The following SEMA3A variants were observed in gnomAD, a reference collection of about 807,000 sequenced individuals.
SEMA3A encodes the protein semaphorin-3A.
SEMA3A carries 29 observed loss-of-function variants against 97.9 expected under a neutral mutation model. The ratio of observed to expected loss-of-function variants is 0.30; its 90% CI spans 0.22 to 0.40. The LOEUF (loss-of-function observed/expected upper bound fraction) is 0.40. SEMA3A is among the 10% of genes least tolerant of loss of function. SEMA3A has a pLI of 1.00. For missense variants in SEMA3A, 763 were observed against 951.3 expected (o/e 0.80, Z 2.60); for synonymous variants, 321 against 323.7 (o/e 0.99, Z 0.09).
chr7:84,312,968 G>T (rs1478981351), intron 2 of SEMA3A, among the ~76,000 whole-genome samples: 3 of 118,086 alleles, frequency 2.5e-5, no homozygotes, highest in Admixed American at 9.6e-5. Flanking sequence ...GTTACATATT[G>T]TATATAATAT....
rs1372388612 is a variant in SEMA3A, at chr7:83,961,358, G to C, written c.*13C>G. 1 of 1,606,016 alleles carries C rather than the reference G, an allele frequency of 6.2e-7. No homozygotes were observed. The highest frequency in any genetic ancestry group is 1.1e-5 in the South Asian group (1 of 90,872). On this transcript the variant is annotated 3_prime_UTR_variant, in exon 17 of 17. Transcript: ENST00000265362. ...AGTTTCTACTTGTTTGAGGTTTCTAGAGGTAATGCAGCTCAGACACTCCTG... is the reference window on the plus strand; with the variant it reads ...AGTTTCTACTTGTTTGAGGTTTCTACAGGTAATGCAGCTCAGACACTCCTG...
intron 2 of SEMA3A, among the ~76,000 whole-genome samples, chr7:84,350,692 G>A (rs1802416222): frequency 6.6e-6 from 1 of 151,986 alleles, no homozygotes; most frequent in African/African-American, 2.4e-5. Flanking sequence ...ATAATTCTTA[G>A]CAAGCATCAT....
At chr7:84,250,174 AT>A (rs1261140163) in intron 3 of SEMA3A, among the ~76,000 whole-genome samples, 1 of 152,014 alleles carries the variant, frequency 6.6e-6, no homozygotes, top group Non-Finnish European at 1.5e-5. Context: ...GAAACATATA[AT>A]TAGGCATAAA....
intron 3 of SEMA3A, among the ~76,000 whole-genome samples, chr7:84,220,203 C>T (rs985554329): frequency 2.0e-5 from 3 of 152,138 alleles, no homozygotes; most frequent in Non-Finnish European, 2.9e-5. Context: ...TTTCTTTCTT[C>T]GTAGGAAGGA....
chr7:84,103,068 G>A (rs1562783936), intron 4 of SEMA3A, among the ~76,000 whole-genome samples: 1 of 152,098 alleles, frequency 6.6e-6, no homozygotes, highest in Non-Finnish European at 1.5e-5. Context: ...ACATGACAAT[G>A]ACATTGCTAT....
chr7:84,432,239 A>T (rs538531852), intron 1 of SEMA3A, among the ~76,000 whole-genome samples: 17 of 152,178 alleles, frequency 1.1e-4, no homozygotes, highest in Non-Finnish European at 2.1e-4. Context: ...TGTGTTGCAG[A>T]GAGAAAAACA....
chr7:84,295,285 A>G (rs909453487), intron 3 of SEMA3A, among the ~76,000 whole-genome samples: 6 of 152,052 alleles, frequency 3.9e-5, no homozygotes, highest in Non-Finnish European at 7.4e-5. Context: ...TTGTTGTTAA[A>G]TGAGTGACAT....
In SEMA3A at chr7:84,303,635, A is replaced by G. The variant is rs547104095; in HGVS notation, c.-83+3572T>C. ...AATTTAGAAATTTTTCAACTTCACAATGATGCAGAAGTGATAGACATTCAA... is the reference window on the plus strand; with the variant it reads ...AATTTAGAAATTTTTCAACTTCACAGTGATGCAGAAGTGATAGACATTCAA... On this transcript the variant is annotated intron_variant, in intron 3 of 3. Coordinates refer to the SEMA3A transcript ENST00000424555. Among the ~76,000 whole-genome samples, 145 of 152,246 alleles carry G rather than the reference A, an allele frequency of 9.5e-4. 1 individual carries two copies. The highest frequency in any genetic ancestry group is 3.4e-3 in the African/African-American group (140 of 41,546).
At position 84,357,497 on chromosome 7, in the gene SEMA3A, T is replaced by G. The variant is rs969022346; in HGVS notation, c.-169+14327A>C. Among the ~76,000 whole-genome samples, 35 of 152,208 alleles carry G rather than the reference T, an allele frequency of 2.3e-4. 1 individual carries two copies. The highest frequency in any genetic ancestry group is 6.0e-4 in the African/African-American group (25 of 41,554). ...TTTTTATGGCTGCATAGTATTCCAT[T>G]GTGTATATGTGCCACATTTTCTTAA... On this transcript the variant is annotated intron_variant, in intron 2 of 3. Transcript: ENST00000424555.
chr7:84,037,205 C>T (rs888570566), intron 6 of SEMA3A, among the ~76,000 whole-genome samples: 1 of 151,584 alleles, frequency 6.6e-6, no homozygotes, highest in African/African-American at 2.4e-5. Context: ...TCCTACCCTA[C>T]AGAATATGTA....
intron 7 of SEMA3A, among the ~76,000 whole-genome samples, chr7:84,012,821 G>A (rs980588754): frequency 6.6e-6 from 1 of 152,050 alleles, no homozygotes; most frequent in Non-Finnish European, 1.5e-5. Context: ...TGATATTTAT[G>A]TACATATATT....
At chr7:84,410,436 C>T (rs1231098112) in intron 1 of SEMA3A, among the ~76,000 whole-genome samples, 1 of 152,044 alleles carries the variant, frequency 6.6e-6, no homozygotes. Flanking sequence ...TAATTCCCAA[C>T]CCAGATTGCA....
At chr7:84,161,200 C>T (rs1034583170) in intron 1 of SEMA3A, among the ~76,000 whole-genome samples, 1 of 151,856 alleles carries the variant, frequency 6.6e-6, no homozygotes, top group African/African-American at 2.4e-5. Context: ...CCTGTCTCTA[C>T]TAATAATGCA....
intron 15 of SEMA3A, among the ~76,000 whole-genome samples, chr7:83,968,406 G>A (rs1788792352): frequency 2.0e-5 from 3 of 152,118 alleles, no homozygotes; most frequent in Non-Finnish European, 4.4e-5. Flanking sequence ...GATATTGATT[G>A]CATTACAGTG....
intron 1 of SEMA3A, among the ~76,000 whole-genome samples, chr7:84,451,312 T>TC (rs35969561): frequency 6.6e-6 from 1 of 152,126 alleles, no homozygotes; most frequent in Non-Finnish European, 1.5e-5. Flanking sequence ...CTTTTTTCCT[T>TC]CCCCCTTGGG....
chr7:84,203,522 A>T (rs191378936), intron 3 of SEMA3A, among the ~76,000 whole-genome samples: 1,887 of 43,360 alleles, frequency 0.044, 73 homozygotes, highest in African/African-American at 0.096. Flanking sequence ...ATATATATAT[A>T]TATATTTTTT....
intron 4 of SEMA3A, among the ~76,000 whole-genome samples, chr7:84,083,513 A>C (rs189837645): frequency 6.6e-6 from 1 of 151,976 alleles, no homozygotes; most frequent in Non-Finnish European, 1.5e-5. Flanking sequence ...CTGTTAACTA[A>C]AGTCCTCCTA....
intron 6 of SEMA3A, among the ~76,000 whole-genome samples, chr7:84,045,242 T>C (rs1273934699): frequency 6.6e-6 from 1 of 151,924 alleles, no homozygotes. Flanking sequence ...AATGAGATAT[T>C]CAGGCATCTT....
At position 83,958,950 on chromosome 7, in the gene SEMA3A, A is replaced by G. The variant is rs1047348657; in HGVS notation, c.*2421T>C. The G allele has an allele frequency of 2.0e-5, 3 of 152,082 alleles. No homozygotes were observed. Among genetic ancestry groups the G allele is most frequent in the Non-Finnish European group, 2.9e-5 (2 of 67,942 alleles). The allele number at this position is 152,082 out of a possible 1,614,324, so 9.4% of individuals were successfully genotyped here. A position where few individuals can be genotyped will look rare whatever the true frequency, so the allele number is the denominator to read the frequency against. On this transcript the variant is annotated 3_prime_UTR_variant, in exon 17 of 17. Transcript: ENST00000265362. ...TAAAGCTGAATTATTAAATGGGCCA[A>G]TAATTCTTTTTCGTGCAAACTGCCC...
Sources: gnomAD v4.1 joint callset for allele counts (sites outside exome capture counted in the v4.1 genomes callset) on GRCh38, gnomAD v4.1.1 for gene constraint, MANE v1.5 for transcripts, NCBI Gene and HGNC (gene_info 2026-07-23, HGNC 2026-07-21) for gene names.